AZGP1: variants seen among roughly 807,000 people sequenced by gnomAD.
AZGP1 encodes zinc-alpha-2-glycoprotein.
AZGP1 carries 28 observed loss-of-function variants against 31.5 expected under a neutral mutation model. That is an observed-to-expected ratio of 0.89 (90% CI 0.66 to 1.22). AZGP1 has a LOEUF of 1.22. Ranked by LOEUF, AZGP1 falls within the 50% of genes most tolerant of loss-of-function variation. The pLI is 0.00. For missense variants in AZGP1, 361 were observed against 371.8 expected (o/e 0.97, Z 0.24); for synonymous variants, 135 against 145.4 (o/e 0.93, Z 0.51).
chr7:99,967,019 G>T lies in AZGP1; in HGVS notation c.881C>A (p.Pro294His). 3.1e-6 allele frequency: 5 copies of T among 1,613,620 alleles called. No individual in the cohort carries two copies. The highest frequency in any genetic ancestry group is 4.2e-6 in the Non-Finnish European group (5 of 1,179,670). ...HSSLAQPLVV[P>H]WEAS Reference sequence around the variant, plus strand: ...CCTTGCTTCCTAGCTGGCCTCCCAGGGCACCACGAGGGGCTGGGCCAGGCT... The same window carrying T: ...CCTTGCTTCCTAGCTGGCCTCCCAGTGCACCACGAGGGGCTGGGCCAGGCT... Residue 294 changes from proline to histidine, a missense_variant, in exon 4 of 4, where the codon CCC (proline) becomes CAC (histidine). Physicochemically the swap from Pro to His is moderately conservative, Grantham distance 77 (BLOSUM62 -2). Transcript: ENST00000292401.
chr7:99,971,828 C>T lies in AZGP1; in HGVS notation c.255G>A (p.Gln85=), dbSNP rs1789582469. Residue 85 remains glutamine (Q), a synonymous_variant, in exon 2 of 4, where the codon CAG becomes CAA. Transcript: ENST00000292401. The stretch of plus-strand genomic sequence containing the variant: ...CCCTGGCCTTCTGAAGTTGGCTGTC[C>T]TGCTTCCAATCCTCCATTCCTTCCA... ...RQVEGMEDWK[Q]DSQLQKARED... The T allele has an allele frequency of 6.2e-7, 1 of 1,614,038 alleles. No individual in the cohort carries two copies. The highest frequency in any genetic ancestry group is 8.5e-7 in the Non-Finnish European group (1 of 1,180,026).
In AZGP1 at chr7:99,967,219, G is replaced by A; in HGVS notation, c.681C>T (p.Ala227=). 2 of 1,613,862 alleles carry A rather than the reference G, an allele frequency of 1.2e-6. No individual in the cohort carries two copies. Among genetic ancestry groups the A allele is most frequent in the East Asian group, 2.2e-5 (1 of 44,872 alleles). ...PGEKKKLKCL[A]YDFYPGKIDV... ...CAATTTTCCCTGGGTAGAAGTCGTA[G>A]GCCAGGCACTTCAGTTTCTTCTTTT... The change falls in exon 4 of 4, where the codon GCC becomes GCT. Residue 227 remains alanine, a synonymous_variant. Transcript: ENST00000292401.
At chr7:99,969,408 T>TAAAA (rs3033213) in intron 2 of AZGP1, among the ~76,000 whole-genome samples, 8 of 141,380 alleles carry the variant, frequency 5.7e-5, no homozygotes, top group Non-Finnish European at 4.6e-5. Context: ...GACTCAGTCT[T>TAAAA]AAAAAAAAAA....
chr7:99,968,297 G>A lies in AZGP1; in HGVS notation c.471C>T (p.Phe157=), dbSNP rs1415192304. The A allele has an allele frequency of 7.4e-6, 12 of 1,613,646 alleles. No homozygotes were observed. The highest frequency in any genetic ancestry group is 2.7e-5 in the African/African-American group (2 of 74,778). ...FNKEIPAWVP[F]DPAAQITKQK... ...GCTTGGTTATCTGGGCTGCTGGGTC[G>A]AAGGGGACCCAGGCTGGGATTTCTT... is the stretch of plus-strand genomic sequence containing the variant. The change falls in exon 3 of 4, where the codon TTC becomes TTT. Residue 157 remains phenylalanine (F), a synonymous_variant. Coordinates refer to ENST00000292401, the MANE Select transcript of AZGP1 (RefSeq NM_001185.4).
At chr7:99,975,301 G>C (rs890593420) in intron 1 of AZGP1, among the ~76,000 whole-genome samples, 3 of 152,154 alleles carry the variant, frequency 2.0e-5, no homozygotes, top group African/African-American at 7.2e-5. Context: ...ATTTGTAAAT[G>C]TCATGAATTT....
At chr7:99,973,676 GA>G (rs1389349671) in intron 1 of AZGP1, among the ~76,000 whole-genome samples, 1 of 151,706 alleles carries the variant, frequency 6.6e-6, no homozygotes. Context: ...AACACTTTGG[GA>G]AGCTGAGGCA....
chr7:99,968,962 CAAAAAAAAAA>C (rs869115613), intron 2 of AZGP1, among the ~76,000 whole-genome samples: 23 of 26,700 alleles, frequency 8.6e-4, no homozygotes, highest in Admixed American at 1.6e-3. Context: ...GACCCTATCT[CAAAAAAAAAA>C]AAAAAAAAAA....
Position 99,967,058 on chromosome 7 carries a change from T to G in AZGP1, c.842A>C (p.His281Pro), listed in dbSNP as rs776199929. The change falls in exon 4 of 4, where the codon CAC becomes CCC. Residue 281 changes from histidine (H) to proline (P), a missense_variant. Transcript: ENST00000292401. ...CTGGGCCAGGCTGCTGTGCTGCACG[T>G]GGCAGGAGTAGGGGGCTGTGTCCTG... The part of the protein sequence containing the change: ...PPQDTAPYSC[H>P]VQHSSLAQPL... The G allele has an allele frequency of 1.9e-6, 3 of 1,614,174 alleles. No homozygotes were observed. The highest frequency in any genetic ancestry group is 1.6e-4 in the Middle Eastern group (1 of 6,062).
At chr7:99,967,387 T>C in intron 3 of AZGP1, 101 bp from the exon 4 acceptor site, 1 of 1,364,168 alleles carries the variant, frequency 7.3e-7, no homozygotes, top group Non-Finnish European at 1.0e-6. Context: ...TCAGCAGAGC[T>C]CGAAGCTCTG....
intron 2 of AZGP1, 135 bp downstream of exon 2, chr7:99,971,611 C>G: frequency 8.7e-7 from 1 of 1,154,304 alleles, no homozygotes; most frequent in Admixed American, 2.3e-5. Context: ...GTGGACATGT[C>G]TGTGTTTCTG....
chr7:99,967,310 C>T (rs112711529), intron 3 of AZGP1, 24 bp from the exon 4 acceptor site: 1 of 1,606,476 alleles, frequency 6.2e-7, no homozygotes, highest in Non-Finnish European at 8.5e-7. Context: ...GAGTGTGACA[C>T]TGCAGGCTTG....
intron 3 of AZGP1, chr7:99,967,552 G>A (rs144282670): frequency 7.5e-5 from 40 of 534,514 alleles, no homozygotes; most frequent in African/African-American, 5.7e-4. Flanking sequence ...CCACATCTCA[G>A]TGGGCTTTGG....
chr7:99,971,190 G>A (rs1022613506), intron 2 of AZGP1, among the ~76,000 whole-genome samples: 3 of 152,252 alleles, frequency 2.0e-5, no homozygotes, highest in African/African-American at 7.2e-5. Context: ...TGATGGAGCT[G>A]CAAGGGAGAT....
intron 2 of AZGP1, among the ~76,000 whole-genome samples, chr7:99,970,054 A>G (rs1389548902): frequency 1.4e-5 from 2 of 140,322 alleles, no homozygotes; most frequent in Non-Finnish European, 1.6e-5. Flanking sequence ...CCAGCCCCCC[A>G]CCCCCACCTG....
intron 1 of AZGP1, among the ~76,000 whole-genome samples, 185 bp downstream of exon 1, chr7:99,975,760 C>T (rs573865367): frequency 1.3e-5 from 2 of 152,196 alleles, no homozygotes; most frequent in South Asian, 4.2e-4. Flanking sequence ...TATTTCGGGC[C>T]AGCGCAGAGG....
Position 99,975,804 on chromosome 7 carries a change from G to A in AZGP1, c.76+141C>T, listed in dbSNP as rs867907012. Reference sequence around the variant, plus strand: ...ATGCTCCTGGAAGTGTGTGAGCTGAGGGAGTTGACAGCCTTGGGCACCCAT... The same window carrying A: ...ATGCTCCTGGAAGTGTGTGAGCTGAAGGAGTTGACAGCCTTGGGCACCCAT... On this transcript the variant is annotated intron_variant, in intron 1 of 3. Coordinates refer to ENST00000292401, the MANE Select transcript of AZGP1 (RefSeq NM_001185.4). 109 of 830,910 alleles carry A rather than the reference G, an allele frequency of 1.3e-4. 1 individual carries two copies. Among genetic ancestry groups the A allele is most frequent in the South Asian group, 1.0e-3 (67 of 65,272 alleles). The allele number at this position is 830,910 out of a possible 1,614,324, so 51.5% of individuals were successfully genotyped here. A position where few individuals can be genotyped will look rare whatever the true frequency, so the allele number is the denominator to read the frequency against.
At chr7:99,972,532 G>C (rs1180727401) in intron 1 of AZGP1, among the ~76,000 whole-genome samples, 1 of 152,230 alleles carries the variant, frequency 6.6e-6, no homozygotes, top group Non-Finnish European at 1.5e-5. Context: ...ACATTTCTAG[G>C]CTGGGCTCCG....
In AZGP1 at chr7:99,968,448, C is replaced by A; in HGVS notation, c.338-18G>T. 4.3e-6 allele frequency: 7 copies of A among 1,610,052 alleles called. No homozygotes were observed. The highest frequency in any genetic ancestry group is 5.9e-6 in the Non-Finnish European group (7 of 1,179,226). ...GTGAGACCCTGAAAACTCCCCCGAC[C>A]CCACAGAGAGACAGTCAGCCTGGTG... is the stretch of plus-strand genomic sequence containing the variant. On this transcript the variant is annotated intron_variant, in intron 2 of 3. Coordinates refer to ENST00000292401, the MANE Select transcript of AZGP1 (RefSeq NM_001185.4).
intron 2 of AZGP1, among the ~76,000 whole-genome samples, chr7:99,970,243 TTTTTTG>T: frequency 2.7e-5 from 1 of 36,764 alleles, no homozygotes; most frequent in Middle Eastern, 7.4e-3. Flanking sequence ...CCTTTTTTTG[TTTTTTG>T]TTTTTTGTTT....
Sources: allele counts gnomAD v4.1 joint callset (sites outside exome capture counted in the v4.1 genomes callset), GRCh38; gene constraint gnomAD v4.1.1; transcripts MANE v1.5; gene names NCBI Gene and HGNC (gene_info 2026-07-23, HGNC 2026-07-21).